TASP1: variants seen among roughly 807,000 people sequenced by gnomAD.
TASP1 encodes the protein threonine aspartase 1.
Under a neutral mutation model 56.6 loss-of-function variants are expected in TASP1, and 16 were observed. That is an observed-to-expected ratio of 0.28 (90% CI 0.19 to 0.43). The LOEUF (loss-of-function observed/expected upper bound fraction) is 0.43, where lower values mean the gene tolerates loss of function less well. TASP1 is among the 20% of genes least tolerant of loss of function. The pLI is 1.00. For missense variants in TASP1, 393 were observed against 511.6 expected, an observed-to-expected ratio of 0.77 and a Z score of 2.24; for synonymous variants, 179 against 184.2, an observed-to-expected ratio of 0.97 and a Z score of 0.23.
the TASP1 span, among the ~76,000 whole-genome samples, chr20:13,106,743 C>A: frequency 1.3e-5 from 2 of 152,202 alleles, no homozygotes; most frequent in Non-Finnish European, 2.9e-5. Flanking sequence ...TCTCCCAGGG[C>A]CAACCTGAGA....
At chr20:13,312,835 C>A in the TASP1 span, among the ~76,000 whole-genome samples, 1 of 152,138 alleles carries the variant, frequency 6.6e-6, no homozygotes, top group Non-Finnish European at 1.5e-5. Context: ...AGAGTAGATC[C>A]GTATTTAAAC....
chr20:13,297,396 C>T, the TASP1 span, among the ~76,000 whole-genome samples: 1 of 152,166 alleles, frequency 6.6e-6, no homozygotes, highest in Non-Finnish European at 1.5e-5. Flanking sequence ...GTATTAGCTG[C>T]CCTCCCTTCT....
At chr20:13,500,658 C>CA (rs2043913776) in intron 10 of TASP1, among the ~76,000 whole-genome samples, 1 of 151,534 alleles carries the variant, frequency 6.6e-6, no homozygotes, top group Non-Finnish European at 1.5e-5. Context: ...TTAGAGCAAG[C>CA]AAAAGACAGC....
chr20:13,225,966 C>T, the TASP1 span, among the ~76,000 whole-genome samples: 1 of 151,854 alleles, frequency 6.6e-6, no homozygotes, highest in Non-Finnish European at 1.5e-5. Context: ...AAAGGTATCT[C>T]CTTTGTCTGA....
the TASP1 span, among the ~76,000 whole-genome samples, chr20:13,146,602 G>A: frequency 6.6e-6 from 1 of 152,068 alleles, no homozygotes; most frequent in African/African-American, 2.4e-5. Flanking sequence ...TATTCAGGAA[G>A]CAATAATACT....
the TASP1 span, among the ~76,000 whole-genome samples, chr20:13,295,934 C>T: frequency 6.6e-6 from 1 of 152,232 alleles, no homozygotes; most frequent in African/African-American, 2.4e-5. Context: ...GAGCAGGACA[C>T]TTGTGGCTGT....
the TASP1 span, among the ~76,000 whole-genome samples, chr20:13,348,605 G>A: frequency 6.6e-6 from 1 of 152,180 alleles, no homozygotes; most frequent in East Asian, 1.9e-4. Flanking sequence ...TGAATTTTTA[G>A]CTGCTGACAC....
At chr20:13,638,503 A>G (rs1204600632) in intron 1 of TASP1, among the ~76,000 whole-genome samples, 3 of 150,832 alleles carry the variant, frequency 2.0e-5, no homozygotes, top group Admixed American at 2.0e-4. Context: ...GGGCTGCCTT[A>G]CCCCCAACCC....
the TASP1 span, among the ~76,000 whole-genome samples, chr20:13,341,116 A>G: frequency 6.6e-6 from 1 of 152,162 alleles, no homozygotes; most frequent in Admixed American, 6.5e-5. Context: ...CCACATTGAG[A>G]GCAAAATTCA....
chr20:13,142,770 C>A, the TASP1 span, among the ~76,000 whole-genome samples: 1 of 152,160 alleles, frequency 6.6e-6, no homozygotes, highest in Admixed American at 6.5e-5. Context: ...TCTTTTGGGG[C>A]TGTAGGACTG....
chr20:13,544,472 A>G (rs1406658954), intron 8 of TASP1, among the ~76,000 whole-genome samples: 1 of 152,204 alleles, frequency 6.6e-6, no homozygotes, highest in Non-Finnish European at 1.5e-5. Flanking sequence ...GAGAACCAAG[A>G]TCATTTGGTA....
the TASP1 span, among the ~76,000 whole-genome samples, chr20:13,322,417 C>A: frequency 6.6e-6 from 1 of 152,228 alleles, no homozygotes; most frequent in African/African-American, 2.4e-5. Flanking sequence ...AACTCTTCCA[C>A]CTGCCAACTC....
At chr20:13,210,972 G>T in the TASP1 span, among the ~76,000 whole-genome samples, 1 of 152,050 alleles carries the variant, frequency 6.6e-6, no homozygotes, top group South Asian at 2.1e-4. Flanking sequence ...ATTCTCCTAT[G>T]TGGCTCTGCC....
chr20:13,221,928 C>G, the TASP1 span: 17 of 1,324,584 alleles, frequency 1.3e-5, no homozygotes, highest in Non-Finnish European at 1.6e-5. Context: ...AGTGCGCCGC[C>G]GGAGAGGGCC....
the TASP1 span, among the ~76,000 whole-genome samples, chr20:13,126,383 G>C: frequency 6.6e-6 from 1 of 152,156 alleles, no homozygotes; most frequent in Non-Finnish European, 1.5e-5. Context: ...CTTTGCTGTA[G>C]ATTCTAGGTT....
chr20:13,361,862 A>G, the TASP1 span, among the ~76,000 whole-genome samples: 1 of 152,106 alleles, frequency 6.6e-6, no homozygotes, highest in African/African-American at 2.4e-5. Flanking sequence ...TGGCAGGACT[A>G]TGCTGAATCT....
At chr20:13,334,094 C>T in the TASP1 span, among the ~76,000 whole-genome samples, 2 of 152,248 alleles carry the variant, frequency 1.3e-5, no homozygotes, top group Non-Finnish European at 1.5e-5. Flanking sequence ...AGGGAGAGTA[C>T]ATCATGGGAA....
chr20:13,192,923 A>G, the TASP1 span, among the ~76,000 whole-genome samples: 2 of 152,166 alleles, frequency 1.3e-5, no homozygotes, highest in African/African-American at 4.8e-5. Flanking sequence ...TGGTTAAGTA[A>G]GATAAATGAC....
chr20:13,193,856 A>C, the TASP1 span, among the ~76,000 whole-genome samples: 1 of 152,184 alleles, frequency 6.6e-6, no homozygotes, highest in Non-Finnish European at 1.5e-5. Context: ...TATCTGTCCC[A>C]CCTTAAGAGG....
Sources: allele counts gnomAD v4.1 joint callset (sites outside exome capture counted in the v4.1 genomes callset), GRCh38; gene constraint gnomAD v4.1.1; transcripts MANE v1.5; gene names NCBI Gene and HGNC (gene_info 2026-07-23, HGNC 2026-07-21).